The following FAM200B variants were observed in gnomAD, a reference collection of about 807,000 sequenced individuals.
FAM200B encodes protein FAM200B.
Under a neutral mutation model 33.1 loss-of-function variants are expected in FAM200B, and 32 were observed. That is an observed-to-expected ratio of 0.97 (90% CI 0.73 to 1.30). FAM200B has a LOEUF of 1.30. Ranked by LOEUF, FAM200B falls within the 50% of genes most tolerant of loss-of-function variation. The pLI, the probability that FAM200B is intolerant of heterozygous loss-of-function variation, is 0.00. For synonymous variants in FAM200B, 240 were observed against 264.8 expected (o/e 0.91, Z 0.91); for missense variants, 741 against 754.0 (o/e 0.98, Z 0.20).
the FAM200B span, among the ~76,000 whole-genome samples, chr4:15,658,375 T>A: frequency 1.3e-5 from 2 of 152,240 alleles, no homozygotes; most frequent in Admixed American, 1.3e-4. Flanking sequence ...TTGTCCTTTC[T>A]AAAACTCATG....
chr4:15,659,709 T>C, the FAM200B span: 5 of 984,530 alleles, frequency 5.1e-6, no homozygotes, highest in African/African-American at 1.7e-5. Flanking sequence ...TTCCCAAATA[T>C]ACCTTTATGT....
chr4:15,661,184 G>T, the FAM200B span, among the ~76,000 whole-genome samples: 3 of 152,106 alleles, frequency 2.0e-5, no homozygotes, highest in Non-Finnish European at 4.4e-5. Flanking sequence ...CTCTACCAAG[G>T]TGATTCTTTG....
the FAM200B span, among the ~76,000 whole-genome samples, chr4:15,665,960 A>G: frequency 6.6e-6 from 1 of 152,074 alleles, no homozygotes; most frequent in Non-Finnish European, 1.5e-5. Context: ...AAGCTGAATC[A>G]CTTCCTTGAG....
the FAM200B span, among the ~76,000 whole-genome samples, chr4:15,665,846 G>C: frequency 6.6e-6 from 1 of 152,174 alleles, no homozygotes; most frequent in East Asian, 1.9e-4. Context: ...GTAGGAATCC[G>C]ATGATTAGTG....
the FAM200B span, chr4:15,638,660 T>A: frequency 6.2e-7 from 1 of 1,602,230 alleles, no homozygotes; most frequent in Non-Finnish European, 8.5e-7. Context: ...AAGCTCTTCA[T>A]AGGTAAAATA....
chr4:15,645,693 C>T, the FAM200B span, among the ~76,000 whole-genome samples: 1 of 152,168 alleles, frequency 6.6e-6, no homozygotes, highest in African/African-American at 2.4e-5. Flanking sequence ...TCCCAAAGTG[C>T]TGGGATTACA....
chr4:15,683,057 A>G (rs1577534508), intron 1 of FAM200B, among the ~76,000 whole-genome samples: 2 of 152,234 alleles, frequency 1.3e-5, no homozygotes, highest in East Asian at 3.8e-4. Flanking sequence ...AGCGCACTAG[A>G]GATATATCTT....
upstream of FAM200B, among the ~76,000 whole-genome samples, chr4:15,676,868 G>T (rs1718013276): frequency 6.6e-6 from 1 of 152,008 alleles, no homozygotes; most frequent in African/African-American, 2.4e-5. Flanking sequence ...CCATGTTAAA[G>T]AAATGAAATT....
the FAM200B span, among the ~76,000 whole-genome samples, chr4:15,671,472 C>A: frequency 6.6e-6 from 1 of 151,696 alleles, no homozygotes; most frequent in Non-Finnish European, 1.5e-5. Flanking sequence ...AGGGTCTCTC[C>A]ACATTGCCCA....
chr4:15,656,177 A>C, the FAM200B span: 1 of 456,070 alleles, frequency 2.2e-6, no homozygotes, highest in Non-Finnish European at 4.4e-6. Flanking sequence ...GAACCTTGGT[A>C]CAAATCCCGC....
rs762609720 is a variant in FAM200B, at chr4:15,686,944, C to T, written c.-34C>T. On this transcript the variant is annotated 5_prime_UTR_variant, in exon 2 of 2. Coordinates refer to ENST00000422728, the MANE Select transcript of FAM200B (RefSeq NM_001145191.2). ...TTTTTTGAGTTAGTGCCAATTATAA[C>T]ATTTTAATCAAACTGGAACAAATTG... is the stretch of plus-strand genomic sequence containing the variant. 42 of 1,125,818 alleles carry T rather than the reference C, an allele frequency of 3.7e-5. No individual in the cohort carries two copies. Among genetic ancestry groups the T allele is most frequent in the Non-Finnish European group, 5.0e-5 (42 of 832,414 alleles). The allele number at this position is 1,125,818 out of a possible 1,614,324, so 69.7% of individuals were successfully genotyped here.
At chr4:15,656,540 TGAGA>T in the FAM200B span, among the ~76,000 whole-genome samples, 23 of 152,168 alleles carry the variant, frequency 1.5e-4, no homozygotes, top group African/African-American at 5.5e-4. Flanking sequence ...TAGAAGAAGG[TGAGA>T]AAGAACTTTG....
chr4:15,653,384 G>A, the FAM200B span, among the ~76,000 whole-genome samples: 1 of 152,168 alleles, frequency 6.6e-6, no homozygotes, highest in Admixed American at 6.5e-5. Flanking sequence ...GACAGAAAAA[G>A]AGCGACTAAC....
chr4:15,670,359 C>T, the FAM200B span, among the ~76,000 whole-genome samples: 3 of 152,222 alleles, frequency 2.0e-5, no homozygotes, highest in Non-Finnish European at 4.4e-5. Flanking sequence ...CCAGTGGTTG[C>T]TCCGTTTTGC....
chr4:15,641,938 G>A, the FAM200B span, among the ~76,000 whole-genome samples: 9 of 151,884 alleles, frequency 5.9e-5, no homozygotes, highest in South Asian at 2.1e-4. Context: ...GAGGCACGGA[G>A]AACTGCTTGA....
At chr4:15,672,866 T>C in the FAM200B span, among the ~76,000 whole-genome samples, 1 of 152,240 alleles carries the variant, frequency 6.6e-6, no homozygotes, top group Admixed American at 6.5e-5. Flanking sequence ...GTTGTACAGC[T>C]GTACAAAAAT....
In FAM200B at chr4:15,688,267, A is replaced by T. The variant is rs754299942; in HGVS notation, c.1290A>T (p.Ala430=). The part of the protein sequence containing the change: ...FEDDTWVTKL[A]YLTDIFSILN... ...ATGATACTTGGGTAACAAAATTGGC[A>T]TATTTAACTGATATTTTTAGCATTC... Residue 430 remains alanine, a synonymous_variant, in exon 2 of 2, where the codon GCA becomes GCT. Coordinates refer to ENST00000422728, the MANE Select transcript of FAM200B (RefSeq NM_001145191.2). 6.5e-7 allele frequency: 1 copy of T among 1,548,342 alleles called. No homozygotes were observed. The highest frequency in any genetic ancestry group is 1.2e-5 in the South Asian group (1 of 83,846).
chr4:15,678,523 A>G (rs183043039), upstream of FAM200B, among the ~76,000 whole-genome samples: 1 of 152,362 alleles, frequency 6.6e-6, no homozygotes, highest in East Asian at 1.9e-4. Context: ...ACTTTCATGC[A>G]TAGGTATACT....
the FAM200B span, among the ~76,000 whole-genome samples, chr4:15,670,666 G>A: frequency 6.6e-6 from 1 of 151,044 alleles, no homozygotes; most frequent in African/African-American, 2.4e-5. Context: ...ACTGGGCAAT[G>A]TCAGGAGTTA....
Sources: gnomAD v4.1 joint callset for allele counts (sites outside exome capture counted in the v4.1 genomes callset) on GRCh38, gnomAD v4.1.1 for gene constraint, MANE v1.5 for transcripts, NCBI Gene and HGNC (gene_info 2026-07-23, HGNC 2026-07-21) for gene names.